Variants in KCNQ3 observed in about 807,000 individuals in gnomAD.
KCNQ3 encodes the protein potassium voltage-gated channel subfamily KQT member 3.
Under a neutral mutation model 92.5 loss-of-function variants are expected in KCNQ3, and 30 were observed. The observed-to-expected ratio is 0.32, with a 90% confidence interval of 0.24 to 0.44. The LOEUF (loss-of-function observed/expected upper bound fraction) is 0.44, where lower values mean the gene tolerates loss of function less well. KCNQ3 is among the 20% of genes least tolerant of loss of function. The probability of loss-of-function intolerance (pLI) is 1.00; values close to 1 mark genes in which losing one functional copy is unlikely to be tolerated. For synonymous variants in KCNQ3, 450 were observed against 468.8 expected (o/e 0.96, Z 0.52); for missense variants, 913 against 1,140.3 (o/e 0.80, Z 2.87).
intron 1 of KCNQ3, among the ~76,000 whole-genome samples, chr8:132,414,063 C>T (rs1820727973): frequency 6.6e-6 from 1 of 152,328 alleles, no homozygotes; most frequent in Admixed American, 6.5e-5. Context: ...CCCCAGGACA[C>T]AAAATAATAG....
chr8:132,224,578 C>A (rs146214891), intron 1 of KCNQ3, among the ~76,000 whole-genome samples: 78 of 152,228 alleles, frequency 5.1e-4, no homozygotes, highest in African/African-American at 1.9e-3. Context: ...CTCTCAAGAA[C>A]CAAACCCAAG....
chr8:132,428,976 C>T (rs563212896), intron 1 of KCNQ3, among the ~76,000 whole-genome samples: 1 of 152,328 alleles, frequency 6.6e-6, no homozygotes, highest in Non-Finnish European at 1.5e-5. Flanking sequence ...GACACAATGA[C>T]TTCCAAGCTT....
chr8:132,480,399 A>T lies in KCNQ3; in HGVS notation c.134T>A (p.Leu45Gln), dbSNP rs769495455. The change falls in exon 1 of 15, where the codon CTG (leucine) becomes CAG (glutamine). Residue 45 changes from leucine to glutamine, a missense_variant. By Grantham distance (113) the Leu-to-Gln change is moderately radical (BLOSUM62 -2). Around this residue, in one of 6 missense-constraint regions of KCNQ3, gnomAD observed 183 missense variants for 167.7 expected, o/e 1.09. Coordinates refer to ENST00000388996, the MANE Select transcript of KCNQ3 (RefSeq NM_004519.4). ...AAGDEERKVGLAPGDVEQVTL... is the reference protein window; with the variant it reads ...AAGDEERKVGQAPGDVEQVTL... The stretch of plus-strand genomic sequence containing the variant: ...GACTTGCTCCACGTCGCCGGGCGCC[A>T]GCCCCACTTTCCGCTCCTCGTCGCC... 17 of 1,539,026 alleles carry T rather than the reference A, an allele frequency of 1.1e-5. 1 individual carries two copies. Among genetic ancestry groups the T allele is most frequent in the Non-Finnish European group, 1.4e-5 (16 of 1,151,440 alleles).
In KCNQ3 at chr8:132,159,866, C is replaced by T. The variant is rs149151073; in HGVS notation, c.1262+3602G>A. ...TCCATCCATCATCCACCCATTCATC[C>T]ATCCATCCATCTATCCATTCATCCA... is the stretch of plus-strand genomic sequence containing the variant. On this transcript the variant is annotated intron_variant, in intron 9 of 14. Transcript: ENST00000388996. Among the ~76,000 whole-genome samples the T allele has an allele frequency of 1.2e-3, 183 of 152,260 alleles. 4 individuals are homozygous for T. In the East Asian group the frequency reaches 0.032, roughly 27 times the overall value.
At chr8:132,425,262 A>T (rs75043026) in intron 1 of KCNQ3, among the ~76,000 whole-genome samples, 333 of 152,342 alleles carry the variant, frequency 2.2e-3, no homozygotes, top group Non-Finnish European at 3.9e-3. Flanking sequence ...CGTAGTGGGT[A>T]ACAGGCAAGC....
chr8:132,425,361 G>A (rs1376563925), intron 1 of KCNQ3, among the ~76,000 whole-genome samples: 1 of 152,208 alleles, frequency 6.6e-6, no homozygotes, highest in Non-Finnish European at 1.5e-5. Context: ...CTAGCTGGGT[G>A]CCTTGAGACA....
Position 132,307,040 on chromosome 8 carries a change from A to G in KCNQ3, c.387-120859T>C, listed in dbSNP as rs188723800. ...GTGAAAGCTGGTCCCATCATTACTT[A>G]TAGCTGAGGCTGATTCAGCCACCTA... On this transcript the variant is annotated intron_variant, in intron 1 of 14. Transcript: ENST00000388996. 6.6e-4 allele frequency among the ~76,000 whole-genome samples: 101 copies of G among 152,330 alleles called. 1 individual carries two copies. The highest frequency in any genetic ancestry group is 2.3e-3 in the African/African-American group (95 of 41,584).
intron 1 of KCNQ3, among the ~76,000 whole-genome samples, chr8:132,266,700 C>T (rs943738851): frequency 1.3e-5 from 2 of 152,236 alleles, no homozygotes; most frequent in East Asian, 1.9e-4. Flanking sequence ...CTCTGAAGGC[C>T]ATGTGAAAGC....
chr8:132,256,079 CT>C (rs1249856763), intron 1 of KCNQ3, among the ~76,000 whole-genome samples: 1 of 152,112 alleles, frequency 6.6e-6, no homozygotes, highest in African/African-American at 2.4e-5. Flanking sequence ...TGCCTACTAT[CT>C]TACATATGTC....
chr8:132,445,694 C>A (rs551868623), intron 1 of KCNQ3, among the ~76,000 whole-genome samples: 1 of 85,382 alleles, frequency 1.2e-5, no homozygotes, highest in Non-Finnish European at 2.1e-5. Context: ...CACAAAAAAT[C>A]ATTATTATTA....
chr8:132,144,351 C>T (rs1223766152), intron 9 of KCNQ3, among the ~76,000 whole-genome samples: 1 of 152,146 alleles, frequency 6.6e-6, no homozygotes, highest in Non-Finnish European at 1.5e-5. Context: ...ATCCAAGACC[C>T]CAAAGGATAA....
At chr8:132,170,749 C>T (rs981497733) in intron 7 of KCNQ3, among the ~76,000 whole-genome samples, 21 of 151,658 alleles carry the variant, frequency 1.4e-4, no homozygotes, top group African/African-American at 4.1e-4. Flanking sequence ...CTATGGCTCA[C>T]GCCTGTAATC....
chr8:132,369,304 C>T (rs1819407161), intron 1 of KCNQ3, among the ~76,000 whole-genome samples: 1 of 152,078 alleles, frequency 6.6e-6, no homozygotes, highest in African/African-American at 2.4e-5. Flanking sequence ...AGCAGAAAGT[C>T]ACAACGTGCA....
intron 1 of KCNQ3, among the ~76,000 whole-genome samples, chr8:132,416,620 TCAAA>T (rs1249669019): frequency 5.3e-5 from 8 of 152,136 alleles, no homozygotes; most frequent in South Asian, 2.1e-4. Context: ...AGACTCCATC[TCAAA>T]CAAACAAACA....
intron 1 of KCNQ3, among the ~76,000 whole-genome samples, chr8:132,284,602 C>T (rs568844238): frequency 1.2e-4 from 18 of 152,270 alleles, no homozygotes; most frequent in African/African-American, 4.3e-4. Flanking sequence ...TGAAACACAG[C>T]AACCTGCATA....
intron 1 of KCNQ3, chr8:132,447,074 TGA>T: frequency 1.3e-6 from 1 of 779,202 alleles, no homozygotes; most frequent in African/African-American, 1.7e-5. Context: ...GAACCCAGGG[TGA>T]GTCACATCAG....
At position 132,133,596 on chromosome 8, in the gene KCNQ3, C is replaced by T. The variant is rs572787258; in HGVS notation, c.1799+694G>A. On this transcript the variant is annotated intron_variant, in intron 13 of 14. Transcript: ENST00000388996. ...GTCTCGAGCTCCTGACCTCATGATC[C>T]ACCCGCCTCAGCCTCCTGAAGGGCT... Among the ~76,000 whole-genome samples the T allele has an allele frequency of 2.0e-5, 3 of 152,204 alleles. No individual in the cohort carries two copies. In the East Asian group the frequency reaches 5.8e-4, roughly 29 times the overall value.
chr8:132,215,612 T>C (rs1403090537), intron 1 of KCNQ3, among the ~76,000 whole-genome samples: 3 of 152,200 alleles, frequency 2.0e-5, no homozygotes, highest in Non-Finnish European at 4.4e-5. Context: ...CCCACGCTTC[T>C]GCCTCTGAGG....
At chr8:132,467,125 G>A (rs1201301708) in intron 1 of KCNQ3, among the ~76,000 whole-genome samples, 1 of 152,130 alleles carries the variant, frequency 6.6e-6, no homozygotes, top group Non-Finnish European at 1.5e-5. Flanking sequence ...GCAAACTGTG[G>A]CCACTAGAAG....
Sources: gnomAD v4.1 joint callset for allele counts (sites outside exome capture counted in the v4.1 genomes callset) on GRCh38, gnomAD v4.1.1 for gene constraint, gnomAD v4.1.1 regional missense constraint, MANE v1.5 for transcripts, NCBI Gene and HGNC (gene_info 2026-07-23, HGNC 2026-07-21) for gene names.